Variants in NWD2 observed in about 807,000 individuals in gnomAD.
The protein encoded by NWD2 is NACHT and WD repeat domain-containing protein 2.
NWD2 carries 37 observed loss-of-function variants against 132.7 expected under a neutral mutation model. That is an observed-to-expected ratio of 0.28 (90% CI 0.21 to 0.37). NWD2 has a LOEUF of 0.37. Among genes scored for constraint, NWD2 ranks in the 10% least tolerant of loss-of-function variants. The pLI, the probability that NWD2 is intolerant of heterozygous loss-of-function variation, is 1.00. For missense variants in NWD2, 1,592 were observed against 2,122.4 expected, an observed-to-expected ratio of 0.75 and a Z score of 4.91; for synonymous variants, 705 against 803.0, an observed-to-expected ratio of 0.88 and a Z score of 2.06.
chr4:37,302,910 C>G (rs1718636275), intron 1 of NWD2, among the ~76,000 whole-genome samples: 2 of 152,082 alleles, frequency 1.3e-5, no homozygotes, highest in African/African-American at 2.4e-5. Flanking sequence ...CAGGTAGTCT[C>G]TTTACTCTGT....
intron 3 of NWD2, among the ~76,000 whole-genome samples, chr4:37,388,774 C>T (rs546323929): frequency 6.9e-6 from 1 of 145,556 alleles, no homozygotes; most frequent in African/African-American, 2.5e-5. Flanking sequence ...AAGTCAGTGG[C>T]ATTAATTACA....
chr4:37,387,049 G>C (rs1049563237), intron 3 of NWD2, among the ~76,000 whole-genome samples: 4 of 152,124 alleles, frequency 2.6e-5, no homozygotes, highest in Non-Finnish European at 5.9e-5. Flanking sequence ...TAGCAATGCA[G>C]AATGGACCAA....
At chr4:37,366,687 A>C (rs1442543520) in intron 3 of NWD2, among the ~76,000 whole-genome samples, 1 of 152,164 alleles carries the variant, frequency 6.6e-6, no homozygotes, top group Non-Finnish European at 1.5e-5. Flanking sequence ...ATGCCATGGA[A>C]AGATTAACCA....
chr4:37,390,511 G>A (rs1191102334), intron 3 of NWD2, among the ~76,000 whole-genome samples: 1 of 151,962 alleles, frequency 6.6e-6, no homozygotes, highest in Non-Finnish European at 1.5e-5. Flanking sequence ...GAATTACCTG[G>A]GGAGCTTTGA....
chr4:37,271,884 T>C (rs2109263726), intron 1 of NWD2, among the ~76,000 whole-genome samples: 1 of 151,900 alleles, frequency 6.6e-6, no homozygotes, highest in East Asian at 1.9e-4. Flanking sequence ...AGTCTACTAG[T>C]AGCAAATTAC....
At chr4:37,376,940 T>C (rs918749613) in intron 3 of NWD2, among the ~76,000 whole-genome samples, 8 of 152,196 alleles carry the variant, frequency 5.3e-5, no homozygotes, top group African/African-American at 1.7e-4. Context: ...ACATATCTAC[T>C]GTATTGGGCT....
At position 37,447,123 on chromosome 4, in the gene NWD2, A is replaced by T; in HGVS notation, c.5135A>T (p.Asn1712Ile). ...PITVSDSTESNEATPSKKHNS... is the reference protein window; with the variant it reads ...PITVSDSTESIEATPSKKHNS... ...ACAGTTAGTGACTCTACTGAGTCCA[A>T]TGAAGCAACACCCTCCAAGAAACAC... The change falls in exon 7 of 7, where the codon AAT becomes ATT. Residue 1712 changes from asparagine (N) to isoleucine (I), a missense_variant. Physicochemically the swap from Asn to Ile is moderately radical, Grantham distance 149. Coordinates refer to ENST00000309447, the MANE Select transcript of NWD2 (RefSeq NM_001144990.2). 1 of 1,551,526 alleles carries T rather than the reference A, an allele frequency of 6.4e-7. No individual in the cohort carries two copies. Among genetic ancestry groups the T allele is most frequent in the South Asian group, 1.2e-5 (1 of 84,068 alleles).
chr4:37,384,864 C>T (rs1286507197), intron 3 of NWD2, among the ~76,000 whole-genome samples: 2 of 152,172 alleles, frequency 1.3e-5, no homozygotes, highest in African/African-American at 4.8e-5. Context: ...GACAGAGCCA[C>T]CCTAAGTCAG....
intron 1 of NWD2, among the ~76,000 whole-genome samples, chr4:37,253,945 A>G (rs1231897051): frequency 1.3e-5 from 2 of 152,194 alleles, no homozygotes; most frequent in African/African-American, 4.8e-5. Flanking sequence ...AAACTAACAC[A>G]GTAACAGAAA....
At chr4:37,391,178 GAA>G (rs1720673273) in intron 3 of NWD2, among the ~76,000 whole-genome samples, 1 of 152,130 alleles carries the variant, frequency 6.6e-6, no homozygotes, top group Non-Finnish European at 1.5e-5. Flanking sequence ...TAATAACTAG[GAA>G]ATCACTTGCG....
chr4:37,307,622 T>C (rs1718735895), intron 1 of NWD2, among the ~76,000 whole-genome samples: 1 of 152,202 alleles, frequency 6.6e-6, no homozygotes, highest in Non-Finnish European at 1.5e-5. Context: ...TTGAATCTAT[T>C]TGGGGACTTT....
intron 2 of NWD2, among the ~76,000 whole-genome samples, chr4:37,349,465 C>G (rs956296989): frequency 6.6e-6 from 1 of 152,138 alleles, no homozygotes; most frequent in Non-Finnish European, 1.5e-5. Context: ...TGTTTGTGGG[C>G]TGCATAAATG....
At chr4:37,292,136 T>C (rs938253971) in intron 1 of NWD2, among the ~76,000 whole-genome samples, 2 of 152,116 alleles carry the variant, frequency 1.3e-5, no homozygotes, top group East Asian at 1.9e-4. Flanking sequence ...ACTTGTGAGG[T>C]GCATTCCCTT....
At chr4:37,355,347 C>G (rs1719850687) in intron 2 of NWD2, among the ~76,000 whole-genome samples, 3 of 152,108 alleles carry the variant, frequency 2.0e-5, no homozygotes, top group African/African-American at 7.2e-5. Flanking sequence ...ATTTATTTAT[C>G]AGCCTTCTAA....
intron 1 of NWD2, among the ~76,000 whole-genome samples, chr4:37,285,087 C>G (rs1254956585): frequency 6.6e-6 from 1 of 152,100 alleles, no homozygotes; most frequent in African/African-American, 2.4e-5. Flanking sequence ...AATGTTAACA[C>G]TCGTTTCTAC....
chr4:37,433,059 C>G (rs13151955), intron 4 of NWD2, among the ~76,000 whole-genome samples: 9,237 of 152,272 alleles, frequency 0.061, 327 homozygotes, highest in Non-Finnish European at 0.086. Flanking sequence ...CACATTTTCT[C>G]TGTGCAATGG....
intron 3 of NWD2, among the ~76,000 whole-genome samples, chr4:37,399,122 C>T (rs939750292): frequency 6.6e-6 from 1 of 152,156 alleles, no homozygotes; most frequent in Non-Finnish European, 1.5e-5. Context: ...TTTAGTTGCA[C>T]ATTTAGAGAC....
chr4:37,315,726 A>G (rs1161052141), intron 1 of NWD2, among the ~76,000 whole-genome samples: 1 of 151,724 alleles, frequency 6.6e-6, no homozygotes, highest in East Asian at 1.9e-4. Flanking sequence ...CCATTTTACT[A>G]TTTTCTACAT....
At chr4:37,427,885 A>T (rs1712052005) in intron 3 of NWD2, among the ~76,000 whole-genome samples, 1 of 152,232 alleles carries the variant, frequency 6.6e-6, no homozygotes, top group Non-Finnish European at 1.5e-5. Context: ...AGCTGAATTG[A>T]GTATTGCTCA....
Sources: allele counts gnomAD v4.1 joint callset (sites outside exome capture counted in the v4.1 genomes callset), GRCh38; gene constraint gnomAD v4.1.1; transcripts MANE v1.5; gene names NCBI Gene and HGNC (gene_info 2026-07-23, HGNC 2026-07-21).